NAALADL2: variants seen among roughly 807,000 people sequenced by gnomAD.
NAALADL2 encodes N-acetylated alpha-linked acidic dipeptidase like 2.
A neutral mutation model predicts 87.2 loss-of-function variants in NAALADL2; 76 were observed. The observed-to-expected ratio is 0.87, with a 90% confidence interval of 0.72 to 1.05. The LOEUF (loss-of-function observed/expected upper bound fraction) is 1.05, where lower values mean the gene tolerates loss of function less well. Among genes scored for constraint, NAALADL2 ranks in the 50% least tolerant of loss-of-function variants. The pLI is 0.00. For missense variants in NAALADL2, 1,089 were observed against 945.8 expected, an observed-to-expected ratio of 1.15 and a Z score of -1.99; for synonymous variants, 354 against 331.0, an observed-to-expected ratio of 1.07 and a Z score of -0.75.
At chr3:175,010,265 C>A (rs1312214539) in intron 1 of NAALADL2, among the ~76,000 whole-genome samples, 2 of 152,098 alleles carry the variant, frequency 1.3e-5, no homozygotes, top group Non-Finnish European at 2.9e-5. Context: ...ATTTAAATAA[C>A]AGCCATATGG....
intron 9 of NAALADL2, among the ~76,000 whole-genome samples, chr3:175,488,657 A>G (rs1018478321): frequency 6.6e-6 from 1 of 152,206 alleles, no homozygotes; most frequent in South Asian, 2.1e-4. Context: ...TTGTGAGATT[A>G]AATGTTTACC....
intron 2 of NAALADL2, among the ~76,000 whole-genome samples, chr3:175,148,316 G>T (rs796077510): frequency 5.5e-4 from 84 of 151,718 alleles, no homozygotes; most frequent in African/African-American, 1.8e-3. Context: ...GCTGTTGAAA[G>T]TTCTTTATAG....
At chr3:175,093,497 A>T (rs1720552817) in intron 1 of NAALADL2, among the ~76,000 whole-genome samples, 1 of 147,410 alleles carries the variant, frequency 6.8e-6, no homozygotes, top group East Asian at 2.0e-4. Flanking sequence ...CAAAATGTCT[A>T]TACTATTTTT....
At chr3:174,984,356 T>G (rs1745530493) in intron 1 of NAALADL2, among the ~76,000 whole-genome samples, 1 of 152,182 alleles carries the variant, frequency 6.6e-6, no homozygotes, top group Admixed American at 6.5e-5. Flanking sequence ...GTCTTCCAGT[T>G]GCACCAAAAC....
chr3:174,600,778 G>T (rs1457974319), intron 2 of NAALADL2, among the ~76,000 whole-genome samples: 1 of 152,002 alleles, frequency 6.6e-6, no homozygotes, highest in Admixed American at 6.6e-5. Flanking sequence ...TGATGGGGGA[G>T]GCACCAAACA....
At chr3:175,692,792 C>T (rs761438438) in intron 11 of NAALADL2, among the ~76,000 whole-genome samples, 2 of 152,118 alleles carry the variant, frequency 1.3e-5, no homozygotes, top group African/African-American at 2.4e-5. Flanking sequence ...ATGATGTTCC[C>T]TTCATTTCTG....
At chr3:174,528,396 A>G (rs1720956191) in intron 1 of NAALADL2, among the ~76,000 whole-genome samples, 1 of 152,120 alleles carries the variant, frequency 6.6e-6, no homozygotes, top group African/African-American at 2.4e-5. Context: ...TTGAGAGGCC[A>G]AGGCATGTAG....
At chr3:174,619,142 G>C (rs1222755433) in intron 2 of NAALADL2, among the ~76,000 whole-genome samples, 1 of 151,828 alleles carries the variant, frequency 6.6e-6, no homozygotes, top group Non-Finnish European at 1.5e-5. Context: ...TTTACTAATA[G>C]GAGACAGATG....
At chr3:175,371,060 T>C (rs1373744362) in intron 5 of NAALADL2, among the ~76,000 whole-genome samples, 2 of 152,118 alleles carry the variant, frequency 1.3e-5, no homozygotes, top group African/African-American at 4.8e-5. Flanking sequence ...GTTTGAACAG[T>C]ATGGAAAAAA....
intron 1 of NAALADL2, among the ~76,000 whole-genome samples, chr3:175,076,017 CA>C (rs1386817848): frequency 1.3e-5 from 2 of 151,936 alleles, no homozygotes; most frequent in Admixed American, 1.3e-4. Flanking sequence ...CACTTGAGGC[CA>C]GGAGTTCAAG....
At chr3:174,616,686 TA>T (rs1010120000) in intron 2 of NAALADL2, among the ~76,000 whole-genome samples, 53 of 151,950 alleles carry the variant, frequency 3.5e-4, no homozygotes, top group African/African-American at 1.3e-3. Flanking sequence ...TGGGAACAGC[TA>T]AAAAAACTTG....
At chr3:174,587,792 T>G (rs1716894108) in intron 2 of NAALADL2, among the ~76,000 whole-genome samples, 1 of 152,220 alleles carries the variant, frequency 6.6e-6, no homozygotes, top group Non-Finnish European at 1.5e-5. Context: ...GTCCTTTTTT[T>G]CTGGCTGCCC....
chr3:175,098,740 A>T (rs568293589), intron 2 of NAALADL2, among the ~76,000 whole-genome samples: 2 of 152,318 alleles, frequency 1.3e-5, no homozygotes, highest in East Asian at 1.9e-4. Flanking sequence ...TCAGGATGTT[A>T]TTAGAAAACA....
At chr3:175,583,841 A>G (rs1202476770) in intron 10 of NAALADL2, among the ~76,000 whole-genome samples, 1 of 152,232 alleles carries the variant, frequency 6.6e-6, no homozygotes, top group Non-Finnish European at 1.5e-5. Context: ...CCTGTCAACC[A>G]GTAGGACAAA....
At chr3:175,382,734 A>G (rs1300592629) in intron 5 of NAALADL2, among the ~76,000 whole-genome samples, 1 of 151,634 alleles carries the variant, frequency 6.6e-6, no homozygotes. Flanking sequence ...ACCTGTTATT[A>G]TCTGTCCTTT....
chr3:175,376,226 A>T (rs563754696), intron 5 of NAALADL2, among the ~76,000 whole-genome samples: 4 of 152,156 alleles, frequency 2.6e-5, no homozygotes, highest in African/African-American at 9.6e-5. Flanking sequence ...GTATCTCTGA[A>T]TTTCCATCTG....
Position 175,013,063 on chromosome 3 carries a change from A to ATATATATAAATATGTATTACATATT in NAALADL2, c.44-83711_44-83710insTTACATATTTATATATAAATATGTA, listed in dbSNP as rs1750097289. On this transcript the variant is annotated intron_variant, in intron 1 of 13. Transcript: ENST00000454872. ...ATAATATATACATAAATATATACAC[A>ATATATATAAATATGTATTACATATT]TATATATAAATATGTAATACATATT... Among the ~76,000 whole-genome samples, 6 of 35,848 alleles carry ATATATATAAATATGTATTACATATT rather than the reference A, an allele frequency of 1.7e-4. 2 individuals are homozygous for ATATATATAAATATGTATTACATATT. Among genetic ancestry groups the ATATATATAAATATGTATTACATATT allele is most frequent in the African/African-American group, 5.6e-4 (5 of 8,852 alleles). The allele number at this position is 35,848 out of a possible 152,430, so 23.5% of individuals were successfully genotyped here.
At chr3:175,598,597 C>G (rs1337568509) in intron 10 of NAALADL2, among the ~76,000 whole-genome samples, 21 of 152,196 alleles carry the variant, frequency 1.4e-4, no homozygotes, top group Non-Finnish European at 1.5e-5. Flanking sequence ...AGTGACAGAT[C>G]TGGGATAACT....
intron 3 of NAALADL2, among the ~76,000 whole-genome samples, chr3:174,786,209 G>T (rs974839617): frequency 6.6e-6 from 1 of 152,072 alleles, no homozygotes. Flanking sequence ...ACAGCACTTT[G>T]GTAGGCCAAG....
Sources: gnomAD v4.1 joint callset for allele counts (sites outside exome capture counted in the v4.1 genomes callset) on GRCh38, gnomAD v4.1.1 for gene constraint, MANE v1.5 for transcripts, NCBI Gene and HGNC (gene_info 2026-07-23, HGNC 2026-07-21) for gene names.